PCDHGB1: variants seen among roughly 807,000 people sequenced by gnomAD.
PCDHGB1 encodes the protein protocadherin gamma subfamily B, 1.
In PCDHGB1, 34 loss-of-function variants were observed where a neutral mutation model predicts 56.6. The observed-to-expected ratio is 0.60, with a 90% confidence interval of 0.46 to 0.80. The LOEUF is 0.80. Ranked by LOEUF, PCDHGB1 falls within the 30% of genes least tolerant of loss-of-function variation. PCDHGB1 has a pLI of 0.00. For missense variants in PCDHGB1, 1,278 were observed against 1,204.6 expected (o/e 1.06, Z -0.90); for synonymous variants, 561 against 505.9 (o/e 1.11, Z -1.46).
chr5:141,365,052 T>A, intron 1 of PCDHGB1: 2 of 1,613,872 alleles, frequency 1.2e-6, no homozygotes, highest in Non-Finnish European at 1.7e-6. Context: ...AATGCGCCCC[T>A]GTTCACCCCA....
In PCDHGB1 at chr5:141,485,974, A is replaced by G. The variant is rs755735500; in HGVS notation, c.2410-8833A>G. 1.9e-6 allele frequency: 3 copies of G among 1,614,108 alleles called. No homozygotes were observed. The highest frequency in any genetic ancestry group is 1.7e-5 in the Admixed American group (1 of 60,014). On this transcript the variant is annotated intron_variant, in intron 1 of 3. Coordinates refer to ENST00000523390, the MANE Select transcript of PCDHGB1 (RefSeq NM_018922.3). This position sits in a 1 kb window ranked among gnomAD's most constrained non-coding sequence, Gnocchi z 5.7. ...TGGTGCTCATCCAGCTCAATGCCTC[A>G]GACCCGGACCTGGGTCCCAGTGGTA...
At chr5:141,375,607 C>T in intron 1 of PCDHGB1, 1 of 1,614,216 alleles carries the variant, frequency 6.2e-7, no homozygotes, top group East Asian at 2.2e-5. Context: ...TGTCCATCAA[C>T]TCCGACACTG....
At chr5:141,364,499 C>T (rs1763362832) in intron 1 of PCDHGB1, 1 of 1,614,006 alleles carries the variant, frequency 6.2e-7, no homozygotes, top group Non-Finnish European at 8.5e-7. Context: ...GCTGGAGCCC[C>T]AGGAGCTGGC....
chr5:141,384,352 G>T, intron 1 of PCDHGB1: 1 of 1,613,842 alleles, frequency 6.2e-7, no homozygotes, highest in Non-Finnish European at 8.5e-7. Flanking sequence ...TGAGGATAAT[G>T]CCCAGATCAC....
chr5:141,356,666 A>G (rs1760298726), intron 1 of PCDHGB1: 1 of 1,613,726 alleles, frequency 6.2e-7, no homozygotes, highest in Admixed American at 1.7e-5. Flanking sequence ...CGAATCACTT[A>G]CTCCCTGGCC....
chr5:141,365,924 G>C, intron 1 of PCDHGB1: 1 of 1,614,212 alleles, frequency 6.2e-7, no homozygotes, highest in Non-Finnish European at 8.5e-7. Flanking sequence ...ACAGTTGTGG[G>C]TGACAGCCAG....
chr5:141,405,587 G>T, intron 1 of PCDHGB1: 1 of 585,648 alleles, frequency 1.7e-6, no homozygotes, highest in Non-Finnish European at 3.0e-6. Flanking sequence ...TGGGACTACA[G>T]GCCTCCCAAG....
chr5:141,419,316 G>C (rs775328616), intron 1 of PCDHGB1: 2 of 1,613,876 alleles, frequency 1.2e-6, no homozygotes, highest in African/African-American at 1.3e-5. Flanking sequence ...CTCAACGGCC[G>C]TGTCTCCTAC....
chr5:141,360,767 T>C (rs535475793), intron 1 of PCDHGB1: 8 of 1,613,940 alleles, frequency 5.0e-6, no homozygotes, highest in Non-Finnish European at 6.8e-6. Flanking sequence ...CATCAATTGG[T>C]CCTCACAGCT....
chr5:141,399,443 G>A, intron 1 of PCDHGB1: 1 of 1,614,018 alleles, frequency 6.2e-7, no homozygotes, highest in Non-Finnish European at 8.5e-7. Flanking sequence ...CTACATATCA[G>A]AGACGTCAAC....
At chr5:141,361,580 G>C in intron 1 of PCDHGB1, 1 of 1,614,034 alleles carries the variant, frequency 6.2e-7, no homozygotes, top group African/African-American at 1.3e-5. Flanking sequence ...CCTGACTTGG[G>C]CCCCAGTGGC....
intron 1 of PCDHGB1, chr5:141,400,525 G>T: frequency 1.2e-6 from 2 of 1,613,908 alleles, no homozygotes; most frequent in Non-Finnish European, 1.7e-6. Flanking sequence ...TCCTGAGTTG[G>T]TGAGTTTCAT....
At chr5:141,374,627 G>T (rs955993144) in intron 1 of PCDHGB1, 5 of 1,613,182 alleles carry the variant, frequency 3.1e-6, no homozygotes, top group Admixed American at 1.7e-5. Flanking sequence ...CTCAGTGGAC[G>T]TGCAAAGCGA....
At chr5:141,395,358 G>C in intron 1 of PCDHGB1, 1 of 1,346,158 alleles carries the variant, frequency 7.4e-7, no homozygotes, top group Non-Finnish European at 9.9e-7. Flanking sequence ...ACAGAGTTTT[G>C]GGTTTATTTT....
rs909444391 is a variant in PCDHGB1 at position 141,450,834 on chromosome 5, T to A, written c.2410-43973T>A. On this transcript the variant is annotated intron_variant, in intron 1 of 3. Transcript: ENST00000523390. ...TATTTAATATTATTATTATTATTTT[T>A]TTTTTTTTGAGATGGGGTCTTGCTC... is the stretch of plus-strand genomic sequence containing the variant. 1.2e-3 allele frequency among the ~76,000 whole-genome samples: 172 copies of A among 148,764 alleles called. 3 individuals are homozygous for A. The highest frequency in any genetic ancestry group is 4.1e-3 in the African/African-American group (166 of 40,236).
At position 141,351,915 on chromosome 5, in the gene PCDHGB1, A is replaced by T; in HGVS notation, c.1655A>T (p.Asn552Ile). 1 of 1,613,378 alleles carries T rather than the reference A, an allele frequency of 6.2e-7. No homozygotes were observed. Among genetic ancestry groups the T allele is most frequent in the Non-Finnish European group, 8.5e-7 (1 of 1,179,748 alleles). Reference sequence around the variant, plus strand: ...CTGCGCGTGTTGGTGGGCGACCTCAATGACAATGCGCCACGGGTGCTGTAC... The same window carrying T: ...CTGCGCGTGTTGGTGGGCGACCTCATTGACAATGCGCCACGGGTGCTGTAC... ...VSLRVLVGDL[N>I]DNAPRVLYPA... Residue 552 changes from asparagine to isoleucine, a missense_variant, in exon 1 of 4, where the codon AAT becomes ATT. By Grantham distance (149) the Asn-to-Ile change is moderately radical. Transcript: ENST00000523390.
intron 1 of PCDHGB1, chr5:141,412,158 G>A (rs188069449): frequency 1.3e-5 from 2 of 152,324 alleles, no homozygotes; most frequent in East Asian, 3.9e-4. Context: ...CCTAAGAGAA[G>A]AGATTATTTA....
chr5:141,388,818 G>T, intron 1 of PCDHGB1: 2 of 1,613,928 alleles, frequency 1.2e-6, no homozygotes, highest in Non-Finnish European at 1.7e-6. Context: ...AGAAGTCAAA[G>T]AATATTCCAT....
At chr5:141,403,699 TAA>T in intron 1 of PCDHGB1, 1 of 1,613,934 alleles carries the variant, frequency 6.2e-7, no homozygotes, top group East Asian at 2.2e-5. Context: ...TTTACCGAGT[TAA>T]AGTCCTTGAG....
Sources: allele counts gnomAD v4.1 joint callset (sites outside exome capture counted in the v4.1 genomes callset), GRCh38; gene constraint gnomAD v4.1.1; non-coding constraint Gnocchi (gnomAD v3.1); transcripts MANE v1.5; gene names NCBI Gene and HGNC (gene_info 2026-07-23, HGNC 2026-07-21).